INTU: variants seen among roughly 807,000 people sequenced by gnomAD.
The protein encoded by INTU is protein inturned.
A neutral mutation model predicts 100.5 loss-of-function variants in INTU; 68 were observed. The observed-to-expected ratio is 0.68, with a 90% confidence interval of 0.56 to 0.83. INTU has a LOEUF of 0.83. Among genes scored for constraint, INTU ranks in the 40% least tolerant of loss-of-function variants. The pLI is 0.00. For missense variants in INTU, 1,071 were observed against 1,114.7 expected (o/e 0.96, Z 0.56); for synonymous variants, 357 against 395.7 (o/e 0.90, Z 1.16).
At chr4:127,696,176 G>T (rs1730374498) in intron 8 of INTU, among the ~76,000 whole-genome samples, 2 of 151,864 alleles carry the variant, frequency 1.3e-5, no homozygotes, top group Non-Finnish European at 2.9e-5. Flanking sequence ...TAATGTCTTT[G>T]TCTGGTTTTA....
chr4:127,714,088 A>T lies in INTU; in HGVS notation c.2712A>T (p.Val904=), dbSNP rs1731182068. ...KKAPPVMAYW[V]VGRLFLHPKP... is the part of the protein sequence containing the mutation. ...CACCACCAGTTATGGCTTACTGGGT[A>T]GTAGGGTAAGTGAGAAAAAAAAGTA... The change falls in exon 15 of 16, where the codon GTA becomes GTT. Residue 904 remains valine, a synonymous_variant. Transcript: ENST00000335251. 10 of 1,608,772 alleles carry T rather than the reference A, an allele frequency of 6.2e-6. No homozygotes were observed. Among genetic ancestry groups the T allele is most frequent in the Non-Finnish European group, 8.5e-6 (10 of 1,178,444 alleles).
At chr4:127,683,186 A>G (rs995564331) in intron 6 of INTU, among the ~76,000 whole-genome samples, 7 of 152,168 alleles carry the variant, frequency 4.6e-5, no homozygotes, top group African/African-American at 1.7e-4. Flanking sequence ...TTCCCTAAAT[A>G]TTTATGTCAT....
At chr4:127,680,835 T>C (rs1293015206) in intron 6 of INTU, among the ~76,000 whole-genome samples, 2 of 151,950 alleles carry the variant, frequency 1.3e-5, no homozygotes. Context: ...GATGACATAA[T>C]TGTATATCTA....
intron 8 of INTU, 70 bp from the exon 9 acceptor site, chr4:127,699,940 T>C (rs941693340): frequency 8.0e-5 from 90 of 1,121,592 alleles, no homozygotes; most frequent in Non-Finnish European, 1.1e-4. Flanking sequence ...ACTTTTTATA[T>C]GGCCATTACT....
Position 127,643,943 on chromosome 4 carries a change from A to C in INTU, c.569A>C (p.His190Pro), listed in dbSNP as rs1409267057. 3.1e-6 allele frequency: 5 copies of C among 1,614,078 alleles called. No homozygotes were observed. In the Admixed American group the frequency reaches 6.7e-5, roughly 22 times the overall value. ...KLLEVLVGII[H>P]QTKWSWRRTG... is the part of the protein sequence containing the mutation. The stretch of plus-strand genomic sequence containing the variant: ...CTGGAAGTGCTGGTTGGAATTATTC[A>C]TCAGACCAAGTGGAGCTGGAGAAGA... Residue 190 changes from histidine (H) to proline (P), a missense_variant, in exon 2 of 16, where the codon CAT becomes CCT. Coordinates refer to ENST00000335251, the MANE Select transcript of INTU (RefSeq NM_015693.4).
At chr4:127,641,745 A>G (rs1727344530) in intron 1 of INTU, among the ~76,000 whole-genome samples, 2 of 152,170 alleles carry the variant, frequency 1.3e-5, no homozygotes, top group Admixed American at 6.6e-5. Flanking sequence ...TCTCGTCATT[A>G]TAATTCTGGT....
At chr4:127,695,901 A>C (rs2148721028) in intron 8 of INTU, among the ~76,000 whole-genome samples, 1 of 152,280 alleles carries the variant, frequency 6.6e-6, no homozygotes, top group South Asian at 2.1e-4. Flanking sequence ...TTTATCATGA[A>C]GGGGTATTGG....
intron 2 of INTU, among the ~76,000 whole-genome samples, chr4:127,653,880 G>T (rs1243987013): frequency 2.0e-5 from 3 of 151,738 alleles, no homozygotes; most frequent in Non-Finnish European, 4.4e-5. Flanking sequence ...GGTCACTCAG[G>T]ACTTGCTTTA....
chr4:127,656,355 C>T (rs562005928), intron 2 of INTU, among the ~76,000 whole-genome samples: 14 of 152,042 alleles, frequency 9.2e-5, no homozygotes, highest in Non-Finnish European at 1.8e-4. Flanking sequence ...CATAATTCTC[C>T]CAATTGTATC....
At chr4:127,669,256 T>C (rs1471790766) in intron 5 of INTU, 102 bp downstream of exon 5, 1 of 581,690 alleles carries the variant, frequency 1.7e-6, no homozygotes, top group Admixed American at 2.7e-5. Context: ...TATACTTGTA[T>C]CTACAATGTA....
chr4:127,665,686 T>C (rs866920002), intron 4 of INTU, among the ~76,000 whole-genome samples: 10 of 152,110 alleles, frequency 6.6e-5, no homozygotes, highest in African/African-American at 2.4e-4. Flanking sequence ...TTCCTATTAT[T>C]CCCAAGGGCT....
chr4:127,645,843 C>T (rs942562725), intron 2 of INTU, among the ~76,000 whole-genome samples: 2 of 152,026 alleles, frequency 1.3e-5, no homozygotes, highest in East Asian at 2.0e-4. Flanking sequence ...GGATTACAGG[C>T]GTGAGCCACC....
At chr4:127,705,001 A>T (rs971991536) in intron 10 of INTU, among the ~76,000 whole-genome samples, 6 of 152,052 alleles carry the variant, frequency 3.9e-5, no homozygotes, top group African/African-American at 1.4e-4. Context: ...CTGAGGCAGG[A>T]GAATGGTGTG....
At chr4:127,709,680 A>T (rs1731019533) in intron 13 of INTU, among the ~76,000 whole-genome samples, 1 of 151,064 alleles carries the variant, frequency 6.6e-6, no homozygotes, top group Non-Finnish European at 1.5e-5. Context: ...GCCTACTTTT[A>T]TTTGAACAAC....
chr4:127,633,514 G>T (rs555230906), intron 1 of INTU, among the ~76,000 whole-genome samples: 8 of 152,212 alleles, frequency 5.3e-5, no homozygotes, highest in East Asian at 3.9e-4. Context: ...TGTTTCGATC[G>T]CAGTGTCTTG....
intron 12 of INTU, among the ~76,000 whole-genome samples, chr4:127,707,717 CACTT>C (rs1397732946): frequency 6.6e-6 from 1 of 152,076 alleles, no homozygotes; most frequent in Non-Finnish European, 1.5e-5. Flanking sequence ...ACCTTTGTAA[CACTT>C]AAAGATTTAA....
chr4:127,706,350 G>A (rs1326533096), intron 11 of INTU, 137 bp from the exon 12 acceptor site: 23 of 708,304 alleles, frequency 3.2e-5, no homozygotes, highest in East Asian at 1.7e-4. Flanking sequence ...GAAAGATGAC[G>A]GAGGAATTTT....
intron 2 of INTU, among the ~76,000 whole-genome samples, chr4:127,651,668 G>T (rs929032749): frequency 2.0e-5 from 3 of 152,038 alleles, no homozygotes; most frequent in Non-Finnish European, 2.9e-5. Context: ...CTACAGCTTT[G>T]TTCTTTTGGC....
rs1245773245 is a variant in INTU, at chr4:127,721,153, C to CA, written c.*4719dup. 1.3e-5 allele frequency: 2 copies of CA among 152,124 alleles called. No individual in the cohort carries two copies. Among genetic ancestry groups the CA allele is most frequent in the African/African-American group, 4.8e-5 (2 of 41,414 alleles). The allele number at this position is 152,124 out of a possible 1,614,324, so 9.4% of individuals were successfully genotyped here. The stretch of plus-strand genomic sequence containing the variant: ...TGAGTGCTTCCTTCAGGAGCACTTG[C>CA]AAGGCAGGCCTGGTGGTGACGAATT... On this transcript the variant is annotated 3_prime_UTR_variant, in exon 16 of 16. Coordinates refer to ENST00000335251, the MANE Select transcript of INTU (RefSeq NM_015693.4).
Sources: gnomAD v4.1 joint callset for allele counts (sites outside exome capture counted in the v4.1 genomes callset) on GRCh38, gnomAD v4.1.1 for gene constraint, MANE v1.5 for transcripts, NCBI Gene and HGNC (gene_info 2026-07-23, HGNC 2026-07-21) for gene names.